LRRC39: variants seen among roughly 807,000 people sequenced by gnomAD.
The protein encoded by LRRC39 is leucine-rich repeat-containing protein 39.
LRRC39 carries 35 observed loss-of-function variants against 39.7 expected under a neutral mutation model. That is an observed-to-expected ratio of 0.88 (90% confidence interval 0.67 to 1.17). The LOEUF is 1.17. Ranked by LOEUF, LRRC39 falls within the 50% of genes most tolerant of loss-of-function variation. The probability of loss-of-function intolerance (pLI) is 0.00; values close to 1 mark genes in which losing one functional copy is unlikely to be tolerated. For missense variants in LRRC39, 357 were observed against 385.8 expected, an observed-to-expected ratio of 0.93 and a Z score of 0.62; for synonymous variants, 113 against 134.1, an observed-to-expected ratio of 0.84 and a Z score of 1.09.
chr1:100,162,082 T>C (rs562661015), intron 3 of LRRC39, among the ~76,000 whole-genome samples: 1 of 152,320 alleles, frequency 6.6e-6, no homozygotes, highest in South Asian at 2.1e-4. Context: ...TTTTTTATTA[T>C]AGCCATCTAG....
chr1:100,168,603 A>T lies in LRRC39; in HGVS notation c.-78-9T>A. 1 of 975,490 alleles carries T rather than the reference A, an allele frequency of 1.0e-6. No individual in the cohort carries two copies. Among genetic ancestry groups the T allele is most frequent in the Middle Eastern group, 2.1e-4 (1 of 4,846 alleles). 60.4% of individuals were successfully genotyped at this position (975,490 alleles called of 1,614,324 possible). A position where few individuals can be genotyped will look rare whatever the true frequency, so the allele number is the denominator to read the frequency against. ...ACCATTTCAGAAAGGACCTAAATGT[A>T]CCAGAGAAAAAAAGCAATGTTTCAG... On this transcript the variant is annotated splice_polypyrimidine_tract_variant and intron_variant, in intron 2 of 9. Transcript: ENST00000370137.
chr1:100,159,606 C>CTTTTTTTTTTTTTTTTTTTTT (rs10593200), intron 4 of LRRC39, among the ~76,000 whole-genome samples, 191 bp from the exon 5 acceptor site: 3 of 41,288 alleles, frequency 7.3e-5, no homozygotes, highest in African/African-American at 1.0e-4. Flanking sequence ...TTTTCTTTTC[C>CTTTTTTTTTTTTTTTTTTTTT]TTTTTTTTTT....
chr1:100,163,561 C>T (rs1659032801), intron 3 of LRRC39, among the ~76,000 whole-genome samples: 1 of 149,308 alleles, frequency 6.7e-6, no homozygotes, highest in Non-Finnish European at 1.5e-5. Flanking sequence ...TATTTTCCAG[C>T]TTAAATATTC....
At chr1:100,149,447 G>A in intron 9 of LRRC39, 1 of 1,532,940 alleles carries the variant, frequency 6.5e-7, no homozygotes, top group Non-Finnish European at 8.8e-7. Flanking sequence ...TGTTTTCAAA[G>A]AAAAAAGATT....
chr1:100,167,437 T>C (rs1026888107), intron 3 of LRRC39, among the ~76,000 whole-genome samples: 1 of 152,208 alleles, frequency 6.6e-6, no homozygotes, highest in Non-Finnish European at 1.5e-5. Context: ...TTTTGTTATT[T>C]GCTAACTGAC....
Position 100,168,031 on chromosome 1 carries a change from A to G in LRRC39, c.113+373T>C, listed in dbSNP as rs561451182. ...GTGATCCAGCAGCTCTGGCTAGAAC[A>G]CATGGCTATTCAAATAAATGAGAAT... On this transcript the variant is annotated intron_variant, in intron 3 of 9. Coordinates refer to ENST00000370137, the MANE Select transcript of LRRC39 (RefSeq NM_144620.4). 2.0e-5 allele frequency among the ~76,000 whole-genome samples: 3 copies of G among 152,100 alleles called. No individual in the cohort carries two copies. The South Asian group carries it at 6.2e-4, about 31-fold the overall frequency.
intron 3 of LRRC39, among the ~76,000 whole-genome samples, chr1:100,162,411 T>C (rs971107384): frequency 6.6e-6 from 1 of 152,012 alleles, no homozygotes. Context: ...CCCAGCACTT[T>C]TGGAATGCTG....
At chr1:100,162,812 T>G (rs767887039) in intron 3 of LRRC39, among the ~76,000 whole-genome samples, 2 of 152,222 alleles carry the variant, frequency 1.3e-5, no homozygotes, top group Non-Finnish European at 2.9e-5. Flanking sequence ...AGCATGAAGT[T>G]TAACTAATTT....
At chr1:100,154,760 A>G (rs1282614022) in intron 8 of LRRC39, among the ~76,000 whole-genome samples, 1 of 152,202 alleles carries the variant, frequency 6.6e-6, no homozygotes, top group Non-Finnish European at 1.5e-5. Context: ...TATTTCATAC[A>G]TTTACTTTCT....
chr1:100,160,672 T>C, intron 3 of LRRC39, 101 bp from the exon 4 acceptor site: 1 of 859,114 alleles, frequency 1.2e-6, no homozygotes, highest in Non-Finnish European at 1.8e-6. Flanking sequence ...TTGCCCAGGC[T>C]GGAGTGCAGT....
chr1:100,177,227 T>G (rs1660026971), intron 1 of LRRC39, among the ~76,000 whole-genome samples: 1 of 152,060 alleles, frequency 6.6e-6, no homozygotes, highest in African/African-American at 2.4e-5. Context: ...AAAACTAAAT[T>G]CCAAAATGGT....
chr1:100,160,928 T>TTA (rs1413012094), intron 3 of LRRC39, among the ~76,000 whole-genome samples: 13 of 151,780 alleles, frequency 8.6e-5, no homozygotes, highest in Non-Finnish European at 1.6e-4. Flanking sequence ...CCAGCCACTT[T>TTA]TATATATATA....
chr1:100,162,041 A>G (rs1356929809), intron 3 of LRRC39, among the ~76,000 whole-genome samples: 5 of 152,074 alleles, frequency 3.3e-5, no homozygotes, highest in Non-Finnish European at 5.9e-5. Flanking sequence ...TGATTTATTC[A>G]CATCCTCACC....
chr1:100,168,023 G>T (rs1399818711), intron 3 of LRRC39, among the ~76,000 whole-genome samples: 1 of 151,918 alleles, frequency 6.6e-6, no homozygotes, highest in Non-Finnish European at 1.5e-5. Flanking sequence ...AGCAGCTCTG[G>T]CTAGAACACA....
At chr1:100,163,925 T>G (rs1659054843) in intron 3 of LRRC39, among the ~76,000 whole-genome samples, 1 of 151,918 alleles carries the variant, frequency 6.6e-6, no homozygotes, top group Admixed American at 6.6e-5. Context: ...ATACAAAAAT[T>G]AGCTGGGTAT....
At chr1:100,154,596 TAAG>T (rs1045515646) in intron 8 of LRRC39, among the ~76,000 whole-genome samples, 4 of 152,156 alleles carry the variant, frequency 2.6e-5, no homozygotes, top group Non-Finnish European at 4.4e-5. Context: ...CATATTTTAA[TAAG>T]AAACAAATTC....
At chr1:100,152,913 G>C (rs1658160718) in intron 8 of LRRC39, among the ~76,000 whole-genome samples, 1 of 152,122 alleles carries the variant, frequency 6.6e-6, no homozygotes, top group Non-Finnish European at 1.5e-5. Flanking sequence ...TTTTAGTAGA[G>C]ACAGGGTTTT....
At chr1:100,153,165 C>A (rs1211086837) in intron 8 of LRRC39, among the ~76,000 whole-genome samples, 2 of 152,082 alleles carry the variant, frequency 1.3e-5, no homozygotes, top group African/African-American at 4.8e-5. Flanking sequence ...TCTTCACCAC[C>A]CAGTACAAGG....
chr1:100,152,420 A>G lies in LRRC39; in HGVS notation c.917T>C (p.Met306Thr). 1 of 1,614,058 alleles carries G rather than the reference A, an allele frequency of 6.2e-7. No homozygotes were observed. The highest frequency in any genetic ancestry group is 8.5e-7 in the Non-Finnish European group (1 of 1,179,988). ...EERELFGLQF[M>T]HTYIQESRRR... ...CCGTGACTCTTGTATGTATGTGTGC[A>G]TAAACTGAAGGCCAAATAATTCCCG... The change falls in exon 9 of 10, where the codon ATG (methionine) becomes ACG (threonine). Residue 306 changes from methionine to threonine, a missense_variant. Met to Thr is a moderately conservative substitution (Grantham distance 81). Coordinates refer to ENST00000370137, the MANE Select transcript of LRRC39 (RefSeq NM_144620.4).
Sources: gnomAD v4.1 joint callset for allele counts (sites outside exome capture counted in the v4.1 genomes callset) on GRCh38, gnomAD v4.1.1 for gene constraint, MANE v1.5 for transcripts, NCBI Gene and HGNC (gene_info 2026-07-23, HGNC 2026-07-21) for gene names.